The following PCCA variants were observed in gnomAD, a reference collection of about 807,000 sequenced individuals.
PCCA encodes the protein propionyl-CoA carboxylase alpha chain, mitochondrial.
PCCA carries 74 observed loss-of-function variants against 101.3 expected under a neutral mutation model. That is an observed-to-expected ratio of 0.73 (90% confidence interval 0.61 to 0.89). PCCA has a LOEUF of 0.89. Ranked by LOEUF, PCCA falls within the 40% of genes least tolerant of loss-of-function variation. The pLI is 0.00. For synonymous variants in PCCA, 294 were observed against 313.6 expected (o/e 0.94, Z 0.66); for missense variants, 891 against 907.0 (o/e 0.98, Z 0.23).
intron 19 of PCCA, among the ~76,000 whole-genome samples, chr13:100,390,118 T>C (rs990283755): frequency 6.6e-6 from 1 of 152,194 alleles, no homozygotes; most frequent in African/African-American, 2.4e-5. Context: ...TGAGCAGTAA[T>C]AATATTAGCT....
Position 100,515,450 on chromosome 13 carries a change from A to G in PCCA, c.1923A>G (p.Arg641=), listed in dbSNP as rs2086763640. The G allele has an allele frequency of 6.2e-7, 1 of 1,614,168 alleles. No homozygotes were observed. Among genetic ancestry groups the G allele is most frequent in the South Asian group, 1.1e-5 (1 of 91,078 alleles). ...GTVYKVNILT[R]LAAELNKFML... ...AGTACAAGGTGAATATCTTAACCAG[A>G]CTTGCCGCAGAATTGAACAAATTTA... The change falls in exon 22 of 24, where the codon AGA becomes AGG. Residue 641 remains arginine, a synonymous_variant. Transcript: ENST00000376285.
chr13:100,320,023 G>C (rs2067844629), intron 16 of PCCA, among the ~76,000 whole-genome samples: 1 of 152,218 alleles, frequency 6.6e-6, no homozygotes, highest in East Asian at 1.9e-4. Context: ...TTGTAGTTCT[G>C]TTTGAAGAGA....
At chr13:100,162,106 GTGTGTC>G (rs1411950397) in intron 6 of PCCA, among the ~76,000 whole-genome samples, 3 of 151,356 alleles carry the variant, frequency 2.0e-5, no homozygotes, top group African/African-American at 4.9e-5. Context: ...GTGTGTGTGT[GTGTGTC>G]TGTCTGTCTG....
chr13:100,186,131 A>G (rs1311782274), intron 6 of PCCA, among the ~76,000 whole-genome samples: 1 of 152,244 alleles, frequency 6.6e-6, no homozygotes, highest in Admixed American at 6.5e-5. Flanking sequence ...GCATTGGTTC[A>G]TCATTGAATT....
intron 4 of PCCA, among the ~76,000 whole-genome samples, chr13:100,154,330 A>G (rs2053654325): frequency 6.6e-6 from 1 of 152,238 alleles, no homozygotes; most frequent in African/African-American, 2.4e-5. Flanking sequence ...TTAAAAATGG[A>G]GCATACATTC....
intron 7 of PCCA, among the ~76,000 whole-genome samples, chr13:100,224,478 C>T (rs557678055): frequency 2.0e-4 from 30 of 152,344 alleles, no homozygotes; most frequent in Middle Eastern, 3.4e-3. Flanking sequence ...TGGCCTTGGC[C>T]AGCCCAGAAA....
At chr13:100,265,151 G>T (rs2062841271) in intron 10 of PCCA, among the ~76,000 whole-genome samples, 1 of 152,130 alleles carries the variant, frequency 6.6e-6, no homozygotes, top group Admixed American at 6.5e-5. Context: ...TGTTCACTTT[G>T]ATAATAATGT....
chr13:100,431,873 AT>A (rs1464011828), intron 20 of PCCA, among the ~76,000 whole-genome samples: 1 of 150,918 alleles, frequency 6.6e-6, no homozygotes, highest in African/African-American at 2.4e-5. Flanking sequence ...CTCAAAAAAA[AT>A]AATAATAATA....
chr13:100,273,126 T>G, intron 11 of PCCA, 70 bp from the exon 12 acceptor site: 1 of 1,124,558 alleles, frequency 8.9e-7, no homozygotes, highest in Non-Finnish European at 1.4e-6. Flanking sequence ...AGAAAATGTT[T>G]ATGTAATGCA....
intron 12 of PCCA, among the ~76,000 whole-genome samples, chr13:100,281,435 A>G (rs1211654106): frequency 6.6e-6 from 1 of 152,220 alleles, no homozygotes; most frequent in Non-Finnish European, 1.5e-5. Context: ...GACAGCAATC[A>G]TGTTCTATAC....
chr13:100,363,175 C>T (rs1260971968), intron 18 of PCCA, among the ~76,000 whole-genome samples: 1 of 152,112 alleles, frequency 6.6e-6, no homozygotes, highest in Non-Finnish European at 1.5e-5. Context: ...TCCATCTCAA[C>T]GTTCTAAAAG....
At chr13:100,489,166 G>A (rs1040519666) in intron 21 of PCCA, among the ~76,000 whole-genome samples, 1 of 152,062 alleles carries the variant, frequency 6.6e-6, no homozygotes, top group Non-Finnish European at 1.5e-5. Context: ...AAATTAGCCA[G>A]GCGTGGTGGC....
At chr13:100,442,149 A>G (rs1294366018) in intron 20 of PCCA, among the ~76,000 whole-genome samples, 1 of 152,014 alleles carries the variant, frequency 6.6e-6, no homozygotes. Flanking sequence ...GCGTGCCACC[A>G]TGCCCGGCCA....
chr13:100,197,187 A>G (rs2058161780), intron 6 of PCCA, among the ~76,000 whole-genome samples: 3 of 152,106 alleles, frequency 2.0e-5, no homozygotes, highest in South Asian at 4.2e-4. Context: ...TCAGCATTCA[A>G]ATGTTCTCCT....
chr13:100,286,237 G>A (rs1304905645), intron 12 of PCCA, among the ~76,000 whole-genome samples: 1 of 152,158 alleles, frequency 6.6e-6, no homozygotes, highest in Non-Finnish European at 1.5e-5. Flanking sequence ...TTGTCAGCAA[G>A]GCAAGTTATT....
chr13:100,529,790 C>G (rs186739776), intron 23 of PCCA, among the ~76,000 whole-genome samples: 2 of 152,282 alleles, frequency 1.3e-5, no homozygotes, highest in Non-Finnish European at 2.9e-5. Context: ...CTGCCTAGAC[C>G]TGAGGGTGCC....
intron 8 of PCCA, among the ~76,000 whole-genome samples, chr13:100,255,935 A>G (rs547156610): frequency 1.3e-5 from 2 of 152,224 alleles, no homozygotes; most frequent in East Asian, 1.9e-4. Context: ...CTTGTCCTAT[A>G]ATCTCCACCT....
At chr13:100,144,365 T>A (rs1429404330) in intron 4 of PCCA, among the ~76,000 whole-genome samples, 1 of 152,186 alleles carries the variant, frequency 6.6e-6, no homozygotes, top group Non-Finnish European at 1.5e-5. Flanking sequence ...AGCCAGCTTT[T>A]AGAGTTTCTA....
At chr13:100,339,748 C>T (rs2071024684) in intron 17 of PCCA, among the ~76,000 whole-genome samples, 1 of 152,186 alleles carries the variant, frequency 6.6e-6, no homozygotes, top group Non-Finnish European at 1.5e-5. Flanking sequence ...CTCTCCTTTT[C>T]TCCAGGGACA....
Sources: gnomAD v4.1 joint callset for allele counts (sites outside exome capture counted in the v4.1 genomes callset) on GRCh38, gnomAD v4.1.1 for gene constraint, MANE v1.5 for transcripts, NCBI Gene and HGNC (gene_info 2026-07-23, HGNC 2026-07-21) for gene names.